Variants in PARD3 observed in about 807,000 individuals in gnomAD.
PARD3 encodes the protein partitioning defective 3 homolog.
Under a neutral mutation model 155.4 loss-of-function variants are expected in PARD3, and 75 were observed. The observed-to-expected ratio is 0.48, with a 90% CI of 0.40 to 0.58. The LOEUF (loss-of-function observed/expected upper bound fraction) is 0.58. Among genes scored for constraint, PARD3 ranks in the 20% least tolerant of loss-of-function variants. The probability of loss-of-function intolerance (pLI) is 0.00; values close to 1 mark genes in which losing one functional copy is unlikely to be tolerated. For missense variants in PARD3, 1,642 were observed against 1,721.7 expected (o/e 0.95, Z 0.82); for synonymous variants, 576 against 610.5 (o/e 0.94, Z 0.83).
intron 2 of PARD3, among the ~76,000 whole-genome samples, chr10:34,684,868 TACACACACATACACAC>T (rs1160158317): frequency 1.7e-5 from 1 of 60,382 alleles, no homozygotes; most frequent in African/African-American, 4.8e-5. Context: ...TGTATATATA[TACACACACATACACAC>T]ACACACACAC....
chr10:34,238,989 G>A (rs1405044200), intron 22 of PARD3, among the ~76,000 whole-genome samples: 1 of 152,070 alleles, frequency 6.6e-6, no homozygotes, highest in East Asian at 1.9e-4. Flanking sequence ...CAGTTTAAGA[G>A]CACTGACATA....
At chr10:34,182,172 G>A (rs760825994) in intron 22 of PARD3, among the ~76,000 whole-genome samples, 7 of 152,144 alleles carry the variant, frequency 4.6e-5, no homozygotes, top group African/African-American at 7.2e-5. Flanking sequence ...TGGATTGATG[G>A]TCCACAGACC....
chr10:34,761,709 C>T (rs1478319204), intron 1 of PARD3, among the ~76,000 whole-genome samples: 7 of 152,096 alleles, frequency 4.6e-5, no homozygotes, highest in Non-Finnish European at 4.4e-5. Flanking sequence ...AAGACAAATG[C>T]CTGCCTTCCA....
chr10:34,318,312 G>C (rs1290145989), intron 19 of PARD3, among the ~76,000 whole-genome samples: 2 of 152,088 alleles, frequency 1.3e-5, no homozygotes, highest in Non-Finnish European at 2.9e-5. Flanking sequence ...GTCACCTAAG[G>C]TTCTCCTCCA....
chr10:34,345,215 G>A (rs1837280534), intron 15 of PARD3: 2 of 984,008 alleles, frequency 2.0e-6, no homozygotes, highest in Non-Finnish European at 1.2e-6. Flanking sequence ...AAATGGGAAA[G>A]TGTGACTGAT....
At chr10:34,417,845 A>ATTTTT (rs1845817848) in intron 5 of PARD3, among the ~76,000 whole-genome samples, 8 of 152,320 alleles carry the variant, frequency 5.3e-5, no homozygotes, top group Admixed American at 4.6e-4. Context: ...AGTAAAAATG[A>ATTTTT]CCAATGACCC....
At chr10:34,141,088 G>A (rs1389216606) in intron 22 of PARD3, among the ~76,000 whole-genome samples, 1 of 152,136 alleles carries the variant, frequency 6.6e-6, no homozygotes, top group Non-Finnish European at 1.5e-5. Flanking sequence ...AAATGGTCTT[G>A]ATACTGACTT....
intron 22 of PARD3, among the ~76,000 whole-genome samples, chr10:34,242,058 G>T (rs1023476651): frequency 6.6e-6 from 1 of 152,080 alleles, no homozygotes; most frequent in Non-Finnish European, 1.5e-5. Context: ...TAACCAGCTG[G>T]CATGGTCAAG....
At chr10:34,304,353 G>T (rs532143816) in intron 20 of PARD3, among the ~76,000 whole-genome samples, 6 of 146,302 alleles carry the variant, frequency 4.1e-5, no homozygotes, top group East Asian at 4.0e-4. Flanking sequence ...AAAAAAAAAA[G>T]AATTATTTTG....
intron 2 of PARD3, among the ~76,000 whole-genome samples, chr10:34,522,416 T>C (rs1448648146): frequency 6.6e-6 from 1 of 152,184 alleles, no homozygotes; most frequent in Admixed American, 6.5e-5. Flanking sequence ...AGGTAATGAA[T>C]TTGCATTGTT....
At chr10:34,605,166 A>G (rs951609241) in intron 2 of PARD3, among the ~76,000 whole-genome samples, 2 of 148,950 alleles carry the variant, frequency 1.3e-5, no homozygotes, top group African/African-American at 2.5e-5. Context: ...GATCTGAAAC[A>G]GCCCCAAAAT....
At chr10:34,142,376 TA>T (rs879790428) in intron 22 of PARD3, among the ~76,000 whole-genome samples, 300 of 143,920 alleles carry the variant, frequency 2.1e-3, no homozygotes, top group Admixed American at 1.7e-3. Context: ...ACCCCATCTC[TA>T]AAAAAAAAAA....
At chr10:34,760,454 C>T (rs1452694129) in intron 1 of PARD3, among the ~76,000 whole-genome samples, 4 of 152,134 alleles carry the variant, frequency 2.6e-5, no homozygotes, top group African/African-American at 9.7e-5. Flanking sequence ...GCCTCAGCTT[C>T]CCAAGTACCT....
intron 2 of PARD3, among the ~76,000 whole-genome samples, chr10:34,684,420 TG>T (rs1418244441): frequency 1.3e-5 from 2 of 152,182 alleles, no homozygotes; most frequent in East Asian, 3.9e-4. Context: ...AATATCCAGC[TG>T]CCGAACTAAC....
intron 1 of PARD3, among the ~76,000 whole-genome samples, chr10:34,780,661 G>A (rs1840132613): frequency 6.6e-6 from 1 of 152,244 alleles, no homozygotes; most frequent in East Asian, 1.9e-4. Context: ...TATCCCCAGG[G>A]ACAACAGTAC....
At chr10:34,194,043 T>C (rs1240553445) in intron 22 of PARD3, among the ~76,000 whole-genome samples, 1 of 152,040 alleles carries the variant, frequency 6.6e-6, no homozygotes, top group African/African-American at 2.4e-5. Flanking sequence ...ATTTTATCTC[T>C]CCGATTTCAC....
intron 3 of PARD3, among the ~76,000 whole-genome samples, chr10:34,471,074 G>A (rs924692777): frequency 6.6e-6 from 1 of 152,060 alleles, no homozygotes; most frequent in African/African-American, 2.4e-5. Flanking sequence ...TGAATAAAAT[G>A]TTTCTTTTGT....
chr10:34,340,519 T>C (rs1589233953), intron 16 of PARD3, among the ~76,000 whole-genome samples: 2 of 152,338 alleles, frequency 1.3e-5, no homozygotes, highest in African/African-American at 4.8e-5. Flanking sequence ...TTTTAAATCC[T>C]GTGCTTTCAA....
chr10:34,311,743 A>ACC (rs143247648), intron 20 of PARD3, among the ~76,000 whole-genome samples: 40 of 151,412 alleles, frequency 2.6e-4, no homozygotes, highest in African/African-American at 9.7e-4. Context: ...CTACACCACC[A>ACC]CCCCCCTGCC....
Sources: gnomAD v4.1 joint callset for allele counts (sites outside exome capture counted in the v4.1 genomes callset) on GRCh38, gnomAD v4.1.1 for gene constraint, MANE v1.5 for transcripts, NCBI Gene and HGNC (gene_info 2026-07-23, HGNC 2026-07-21) for gene names.